Variants in SPAG9 observed in about 807,000 individuals in gnomAD.
The protein encoded by SPAG9 is C-Jun-amino-terminal kinase-interacting protein 4.
A neutral mutation model predicts 166.5 loss-of-function variants in SPAG9; 35 were observed. The observed-to-expected ratio is 0.21, with a 90% CI of 0.16 to 0.28. SPAG9 has a LOEUF of 0.28. Among genes scored for constraint, SPAG9 ranks in the 10% least tolerant of loss-of-function variants. The probability of loss-of-function intolerance (pLI) is 1.00; values close to 1 mark genes in which losing one functional copy is unlikely to be tolerated. For synonymous variants in SPAG9, 534 were observed against 565.5 expected (o/e 0.94, Z 0.79); for missense variants, 1,235 against 1,603.3 (o/e 0.77, Z 3.92).
At chr17:51,014,803 G>GAGCT (rs766997214) in intron 8 of SPAG9, 5,558 of 152,412 alleles carry the variant, frequency 0.036, 256 homozygotes, top group East Asian at 0.2. Context: ...TACCTTTAAG[G>GAGCT]TTAAAAACAT....
intron 29 of SPAG9, among the ~76,000 whole-genome samples, chr17:50,969,509 A>G (rs1056575275): frequency 6.6e-6 from 1 of 152,008 alleles, no homozygotes; most frequent in Admixed American, 6.6e-5. Context: ...CATCCTTCAC[A>G]CAACTCTAAT....
At chr17:51,038,673 G>C (rs556238550) in intron 5 of SPAG9, among the ~76,000 whole-genome samples, 1 of 151,958 alleles carries the variant, frequency 6.6e-6, no homozygotes, top group African/African-American at 2.4e-5. Context: ...TCCTCAACAC[G>C]TACTCCTCCA....
intron 1 of SPAG9, among the ~76,000 whole-genome samples, chr17:51,096,991 T>C (rs2048666720): frequency 6.6e-6 from 1 of 152,198 alleles, no homozygotes; most frequent in Non-Finnish European, 1.5e-5. Context: ...AAAGCATAAT[T>C]AGAGGGTTAG....
At chr17:51,088,605 G>A (rs2048361090) in intron 1 of SPAG9, among the ~76,000 whole-genome samples, 1 of 152,120 alleles carries the variant, frequency 6.6e-6, no homozygotes, top group Non-Finnish European at 1.5e-5. Context: ...GACCAACCTG[G>A]CTAACACGGT....
chr17:51,077,037 G>GCTATCTAGCTATCTAGCTAGCTAGCTAT (rs2048015090), intron 2 of SPAG9, among the ~76,000 whole-genome samples: 1 of 108,558 alleles, frequency 9.2e-6, no homozygotes, highest in Admixed American at 8.4e-5. Flanking sequence ...TATCTATCTA[G>GCTATCTAGCTATCTAGCTAGCTAGCTAT]CTATCTAGCT....
intron 1 of SPAG9, among the ~76,000 whole-genome samples, chr17:51,106,765 C>A (rs2048962079): frequency 6.6e-6 from 1 of 152,078 alleles, no homozygotes; most frequent in East Asian, 1.9e-4. Context: ...CCACTGCACT[C>A]CAGTCTGGGC....
intron 27 of SPAG9, among the ~76,000 whole-genome samples, chr17:50,976,235 G>C (rs1194348259): frequency 6.6e-6 from 1 of 151,952 alleles, no homozygotes; most frequent in Non-Finnish European, 1.5e-5. Context: ...TTCTCTGTGT[G>C]TGTGTGTTTT....
At chr17:51,050,599 C>G (rs1311334643) in intron 3 of SPAG9, among the ~76,000 whole-genome samples, 1 of 152,092 alleles carries the variant, frequency 6.6e-6, no homozygotes, top group South Asian at 2.1e-4. Flanking sequence ...ATCCCATACC[C>G]TAAAGCATTT....
intron 2 of SPAG9, among the ~76,000 whole-genome samples, chr17:51,063,836 C>G (rs547808094): frequency 6.6e-6 from 1 of 151,336 alleles, no homozygotes; most frequent in Non-Finnish European, 1.5e-5. Context: ...GAGCCAAGAT[C>G]GTGCCACTGC....
Position 51,104,787 on chromosome 17 carries a change from GC to G in SPAG9, c.303+15566del, listed in dbSNP as rs1220600847. On this transcript the variant is annotated intron_variant, in intron 1 of 29. Coordinates refer to ENST00000262013, the MANE Select transcript of SPAG9 (RefSeq NM_001130528.3). ...TCTCTACTAAAAATACAAAAAATTA[GC>G]CGGGCGTGGTAGCGGGCGCCTGTAG... Among the ~76,000 whole-genome samples, 8 of 151,686 alleles carry G rather than the reference GC, an allele frequency of 5.3e-5. No homozygotes were observed. The Admixed American group carries it at 5.3e-4, about 10-fold the overall frequency.
rs143228462 is a variant in SPAG9, at chr17:51,032,494, C to A, written c.742-772G>T. On this transcript the variant is annotated intron_variant, in intron 5 of 29. Coordinates refer to ENST00000262013, the MANE Select transcript of SPAG9 (RefSeq NM_001130528.3). Reference sequence around the variant, plus strand: ...CCTTTTTCATAAAAATCTATTTATTCATATTCTTTATTTCTATCTATACAT... The same window carrying A: ...CCTTTTTCATAAAAATCTATTTATTAATATTCTTTATTTCTATCTATACAT... 8.2e-3 allele frequency among the ~76,000 whole-genome samples: 1,251 copies of A among 152,170 alleles called. 8 individuals carry two copies. Among genetic ancestry groups the A allele is most frequent in the Non-Finnish European group, 0.012 (809 of 68,016 alleles).
At chr17:50,997,466 T>A (rs994281312) in intron 15 of SPAG9, among the ~76,000 whole-genome samples, 9 of 152,200 alleles carry the variant, frequency 5.9e-5, no homozygotes, top group Admixed American at 5.9e-4. Context: ...AGATTTTAGA[T>A]CCCATTAACT....
intron 5 of SPAG9, 142 bp from the exon 6 acceptor site, chr17:51,031,864 T>G (rs1005263906): frequency 2.2e-5 from 16 of 727,812 alleles, no homozygotes; most frequent in Non-Finnish European, 3.9e-5. Flanking sequence ...GTTTGGAAGC[T>G]TTGTTTTATT....
chr17:51,048,485 A>T (rs2047092389), intron 3 of SPAG9, among the ~76,000 whole-genome samples: 1 of 152,034 alleles, frequency 6.6e-6, no homozygotes, highest in Non-Finnish European at 1.5e-5. Flanking sequence ...TTCCTAAGGA[A>T]TATTACTTGA....
intron 2 of SPAG9, among the ~76,000 whole-genome samples, chr17:51,078,658 G>T: frequency 6.7e-6 from 1 of 148,658 alleles, no homozygotes; most frequent in African/African-American, 2.5e-5. Flanking sequence ...GTTTTTATTA[G>T]CCAAAGGGGA....
chr17:51,109,264 T>C (rs2049037688), intron 1 of SPAG9, among the ~76,000 whole-genome samples: 1 of 151,818 alleles, frequency 6.6e-6, no homozygotes, highest in African/African-American at 2.4e-5. Flanking sequence ...TGAGATGGAG[T>C]CTTGCTCTGT....
intron 24 of SPAG9, 105 bp from the exon 25 acceptor site, chr17:50,982,777 C>T: frequency 9.9e-7 from 1 of 1,007,600 alleles, no homozygotes; most frequent in Non-Finnish European, 1.4e-6. Context: ...TGAGGAAGCA[C>T]TCAAAGTACC....
intron 19 of SPAG9, among the ~76,000 whole-genome samples, chr17:50,993,030 A>G (rs1181551087): frequency 6.9e-6 from 1 of 145,758 alleles, no homozygotes; most frequent in Non-Finnish European, 1.5e-5. Context: ...CAGGAGGTAG[A>G]GGTTGCAGTA....
At chr17:51,117,708 CAAAAA>C (rs397856959) in intron 1 of SPAG9, among the ~76,000 whole-genome samples, 1 of 41,726 alleles carries the variant, frequency 2.4e-5, no homozygotes, top group African/African-American at 1.2e-4. Flanking sequence ...GACTCCGTCT[CAAAAA>C]AAAAAAAAAA....
Sources: gnomAD v4.1 joint callset for allele counts (sites outside exome capture counted in the v4.1 genomes callset) on GRCh38, gnomAD v4.1.1 for gene constraint, MANE v1.5 for transcripts, NCBI Gene and HGNC (gene_info 2026-07-23, HGNC 2026-07-21) for gene names.